The following CYB5B variants were observed in gnomAD, a reference collection of about 807,000 sequenced individuals.
The protein encoded by CYB5B is cytochrome b5 type B (outer mitochondrial membrane).
In CYB5B, 14 loss-of-function variants were observed where a neutral mutation model predicts 21.3. The observed-to-expected ratio is 0.66, with a 90% CI of 0.43 to 1.03. CYB5B has a LOEUF of 1.03. CYB5B is among the 50% of genes least tolerant of loss of function. The pLI, the probability that CYB5B is intolerant of heterozygous loss-of-function variation, is 0.00. For synonymous variants in CYB5B, 69 were observed against 68.4 expected, an observed-to-expected ratio of 1.01 and a Z score of -0.04; for missense variants, 166 against 185.1, an observed-to-expected ratio of 0.90 and a Z score of 0.60.
chr16:69,441,080 A>C (rs1170954203), intron 1 of CYB5B, among the ~76,000 whole-genome samples: 1 of 151,638 alleles, frequency 6.6e-6, no homozygotes, highest in Non-Finnish European at 1.5e-5. Context: ...AGACTTTAGT[A>C]TGGTATCACA....
intron 3 of CYB5B, among the ~76,000 whole-genome samples, chr16:69,457,009 C>G (rs1004299894): frequency 1.3e-5 from 2 of 152,142 alleles, no homozygotes; most frequent in Non-Finnish European, 2.9e-5. Flanking sequence ...ATGCCTCTTT[C>G]TCTTCTCTTT....
chr16:69,428,339 T>C (rs540524427), intron 1 of CYB5B, among the ~76,000 whole-genome samples: 1 of 152,084 alleles, frequency 6.6e-6, no homozygotes, highest in African/African-American at 2.4e-5. Context: ...TATACTACAT[T>C]AGGTAGTGGT....
intron 1 of CYB5B, among the ~76,000 whole-genome samples, chr16:69,427,993 C>CA (rs71151104): frequency 0.21 from 21,324 of 100,636 alleles, 1,897 homozygotes; most frequent in Middle Eastern, 0.32. Context: ...GACTCTGTCT[C>CA]AAAAAAAAAA....
intron 1 of CYB5B, 53 bp from the exon 2 acceptor site, chr16:69,447,097 G>A: frequency 6.3e-7 from 1 of 1,588,102 alleles, no homozygotes. Context: ...AAAGTAACTT[G>A]TTGGTTTGCT....
intron 1 of CYB5B, among the ~76,000 whole-genome samples, chr16:69,428,433 A>C (rs1459042938): frequency 1.3e-5 from 2 of 152,114 alleles, no homozygotes; most frequent in Non-Finnish European, 2.9e-5. Flanking sequence ...GCCGAGGCGG[A>C]TGGATCATGA....
At chr16:69,457,799 G>T (rs147687911) in intron 3 of CYB5B, among the ~76,000 whole-genome samples, 187 of 152,166 alleles carry the variant, frequency 1.2e-3, no homozygotes, top group Non-Finnish European at 2.2e-3. Context: ...TTTCTTTCAG[G>T]TTTGGGGCAT....
At chr16:69,461,367 T>A (rs149255108) in intron 4 of CYB5B, among the ~76,000 whole-genome samples, 1 of 152,230 alleles carries the variant, frequency 6.6e-6, no homozygotes, top group Admixed American at 6.5e-5. Flanking sequence ...ATTGCTGTTA[T>A]ACGTGCCATA....
chr16:69,425,059 G>T (rs1342638284), intron 1 of CYB5B, among the ~76,000 whole-genome samples: 1 of 152,190 alleles, frequency 6.6e-6, no homozygotes, highest in Non-Finnish European at 1.5e-5. Flanking sequence ...CCGAGTTCTG[G>T]TGCCTTATGT....
At chr16:69,429,415 TG>T (rs1400593141) in intron 1 of CYB5B, among the ~76,000 whole-genome samples, 20 of 152,174 alleles carry the variant, frequency 1.3e-4, no homozygotes, top group Non-Finnish European at 2.4e-4. Flanking sequence ...GAGTGCTGAT[TG>T]GTGCATTTAC....
At chr16:69,434,533 A>G (rs1169005315) in intron 1 of CYB5B, among the ~76,000 whole-genome samples, 1 of 152,184 alleles carries the variant, frequency 6.6e-6, no homozygotes, top group Non-Finnish European at 1.5e-5. Context: ...TCATTGATAC[A>G]TTGTATTTGT....
Position 69,424,877 on chromosome 16 carries a change from A to G in CYB5B, c.174+20A>G, listed in dbSNP as rs1383042737. ...AACGAGGTGGGGCCTGGGAGGTGGG[A>G]GGCCTCTGAAGCTGCTGGGGCGAGG... On this transcript the variant is annotated intron_variant, in intron 1 of 4. Transcript: ENST00000307892. 8 of 1,536,026 alleles carry G rather than the reference A, an allele frequency of 5.2e-6. No homozygotes were observed. The highest frequency in any genetic ancestry group is 5.3e-6 in the Non-Finnish European group (6 of 1,139,008).
chr16:69,459,168 G>T, intron 4 of CYB5B, 47 bp downstream of exon 4: 1 of 1,580,316 alleles, frequency 6.3e-7, no homozygotes, highest in South Asian at 1.2e-5. Context: ...GTAATGTCTG[G>T]CAAGAGACTC....
chr16:69,431,267 G>A lies in CYB5B; in HGVS notation c.174+6410G>A, dbSNP rs547477734. On this transcript the variant is annotated intron_variant, in intron 1 of 4. Coordinates refer to ENST00000307892, the MANE Select transcript of CYB5B (RefSeq NM_030579.3). The stretch of plus-strand genomic sequence containing the variant: ...GCCTCCCAAAGTGCTGGGATTACAG[G>A]TGTGAGCCACGGCACCGGCCTATAT... Among the ~76,000 whole-genome samples the A allele has an allele frequency of 5.3e-5, 8 of 152,194 alleles. No homozygotes were observed. The South Asian group carries it at 1.7e-3, about 32-fold the overall frequency.
Position 69,463,845 on chromosome 16 carries a change from T to C in CYB5B, c.*1325T>C, listed in dbSNP as rs547493961. ...ATTGAGAAGTAGGTTACTAGAATTA[T>C]GTTACTGTGTCTTATTGGTTCAATG... is the stretch of plus-strand genomic sequence containing the variant. On this transcript the variant is annotated 3_prime_UTR_variant, in exon 5 of 5. Transcript: ENST00000307892. 90 of 152,348 alleles carry C rather than the reference T, an allele frequency of 5.9e-4. No homozygotes were observed. The highest frequency in any genetic ancestry group is 1.5e-3 in the Admixed American group (23 of 15,300). 9.4% of individuals were successfully genotyped at this position (152,348 alleles called of 1,614,324 possible). A position where few individuals can be genotyped will look rare whatever the true frequency, so the allele number is the denominator to read the frequency against.
In CYB5B at chr16:69,428,271, C is replaced by T. The variant is rs114110547; in HGVS notation, c.174+3414C>T. Among the ~76,000 whole-genome samples, 443 of 152,244 alleles carry T rather than the reference C, an allele frequency of 2.9e-3. 1 individual carries two copies. Among genetic ancestry groups the T allele is most frequent in the African/African-American group, 0.01 (424 of 41,540 alleles). ...TTAGTAGTGAATAAACAGCTATGCC[C>T]TCATGGAGATTACATGGCACAGGAG... On this transcript the variant is annotated intron_variant, in intron 1 of 4. Coordinates refer to ENST00000307892, the MANE Select transcript of CYB5B (RefSeq NM_030579.3).
chr16:69,435,948 A>G (rs2014755890), intron 1 of CYB5B, among the ~76,000 whole-genome samples: 1 of 152,088 alleles, frequency 6.6e-6, no homozygotes, highest in Non-Finnish European at 1.5e-5. Flanking sequence ...TAACATTATA[A>G]TTTTATAGAA....
chr16:69,455,624 T>A (rs2014976850), intron 3 of CYB5B, among the ~76,000 whole-genome samples: 1 of 152,040 alleles, frequency 6.6e-6, no homozygotes, highest in South Asian at 2.1e-4. Context: ...GCCAGGATGA[T>A]CTTGATCTCC....
At chr16:69,425,574 T>A (rs246142) in intron 1 of CYB5B, among the ~76,000 whole-genome samples, 129,527 of 152,114 alleles carry the variant, frequency 0.85, 55,558 homozygotes, top group African/African-American at 0.95. Context: ...GACTTCTAAA[T>A]ATTTAAAACT....
intron 1 of CYB5B, among the ~76,000 whole-genome samples, chr16:69,429,629 T>G (rs910851908): frequency 1.3e-5 from 2 of 152,136 alleles, no homozygotes; most frequent in Non-Finnish European, 2.9e-5. Context: ...AGGCAAGAGA[T>G]AGTGGGTTGT....
Sources: gnomAD v4.1 joint callset for allele counts (sites outside exome capture counted in the v4.1 genomes callset) on GRCh38, gnomAD v4.1.1 for gene constraint, MANE v1.5 for transcripts, NCBI Gene and HGNC (gene_info 2026-07-23, HGNC 2026-07-21) for gene names.